Variants in DSCAM observed in about 807,000 individuals in gnomAD.
DSCAM encodes cell adhesion molecule DSCAM.
DSCAM carries 47 observed loss-of-function variants against 217.7 expected under a neutral mutation model. The ratio of observed to expected loss-of-function variants is 0.22; its 90% CI spans 0.17 to 0.28. The LOEUF (loss-of-function observed/expected upper bound fraction) is 0.28, where lower values mean the gene tolerates loss of function less well. Among genes scored for constraint, DSCAM ranks in the 10% least tolerant of loss-of-function variants. DSCAM has a pLI of 1.00. For missense variants in DSCAM, 2,080 were observed against 2,618.3 expected (o/e 0.79, Z 4.49); for synonymous variants, 1,056 against 1,015.3 (o/e 1.04, Z -0.76).
At chr21:40,369,833 A>G (rs974842463) in intron 3 of DSCAM, among the ~76,000 whole-genome samples, 1 of 152,198 alleles carries the variant, frequency 6.6e-6, no homozygotes, top group African/African-American at 2.4e-5. Flanking sequence ...ATATTCTATG[A>G]CACATATCAA....
intron 3 of DSCAM, among the ~76,000 whole-genome samples, chr21:40,442,761 C>T (rs755013706): frequency 4.6e-4 from 70 of 152,092 alleles, no homozygotes; most frequent in Admixed American, 2.2e-3. Context: ...CTGCCCGCCT[C>T]GGCCTCCCAA....
chr21:40,298,793 A>C (rs2073983755), intron 9 of DSCAM, among the ~76,000 whole-genome samples: 1 of 152,192 alleles, frequency 6.6e-6, no homozygotes, highest in Non-Finnish European at 1.5e-5. Context: ...ACAGGGTAGA[A>C]AATCTCTTGC....
At chr21:40,424,739 T>C (rs893135662) in intron 3 of DSCAM, among the ~76,000 whole-genome samples, 1 of 152,204 alleles carries the variant, frequency 6.6e-6, no homozygotes, top group Non-Finnish European at 1.5e-5. Flanking sequence ...GAATAGATTA[T>C]ATTCTGGAAA....
Position 40,171,275 on chromosome 21 carries a change from G to A in DSCAM, c.2948-3987C>T, listed in dbSNP as rs879688184. Among the ~76,000 whole-genome samples, 21 of 151,668 alleles carry A rather than the reference G, an allele frequency of 1.4e-4. 1 individual carries two copies. Among genetic ancestry groups the A allele is most frequent in the Non-Finnish European group, 2.9e-4 (20 of 67,926 alleles). On this transcript the variant is annotated intron_variant, in intron 15 of 32. Coordinates refer to ENST00000400454, the MANE Select transcript of DSCAM (RefSeq NM_001389.5). ...GCATTTTTAGTAGAGATGGGGTTTC[G>A]CCATGTTGCCCAGGCTGGTCTCGAA...
At chr21:40,820,886 A>G (rs1296055440) in intron 1 of DSCAM, among the ~76,000 whole-genome samples, 2 of 152,018 alleles carry the variant, frequency 1.3e-5, no homozygotes, top group Non-Finnish European at 2.9e-5. Flanking sequence ...ATAATAGATT[A>G]TAATTTATTA....
chr21:40,046,466 C>T (rs1357218077), intron 30 of DSCAM, among the ~76,000 whole-genome samples: 1 of 128,598 alleles, frequency 7.8e-6, no homozygotes, highest in Non-Finnish European at 1.7e-5. Context: ...TATGTTGGAG[C>T]TCTACACAAC....
At chr21:40,033,942 C>T (rs370054500) in intron 32 of DSCAM, among the ~76,000 whole-genome samples, 33 of 137,358 alleles carry the variant, frequency 2.4e-4, no homozygotes, top group South Asian at 2.0e-3. Flanking sequence ...GGGCAGGGTA[C>T]TCCAACAGAC....
intron 1 of DSCAM, among the ~76,000 whole-genome samples, chr21:40,824,802 C>T (rs372118704): frequency 2.1e-4 from 32 of 152,280 alleles, no homozygotes; most frequent in African/African-American, 7.0e-4. Flanking sequence ...CGGGGACTTC[C>T]CTCATTTTCC....
chr21:40,314,477 C>A (rs769406882), intron 8 of DSCAM, among the ~76,000 whole-genome samples: 2 of 152,086 alleles, frequency 1.3e-5, no homozygotes, highest in Non-Finnish European at 2.9e-5. Context: ...TGGAGAGAAT[C>A]GGGTCAGACT....
chr21:40,205,006 T>C (rs2837497), intron 11 of DSCAM, among the ~76,000 whole-genome samples: 85,219 of 152,146 alleles, frequency 0.56, 25,710 homozygotes, highest in African/African-American at 0.8. Flanking sequence ...TTTATGTCAG[T>C]TGATACATCT....
chr21:40,662,222 G>C (rs1209609401), intron 3 of DSCAM, among the ~76,000 whole-genome samples: 3 of 151,846 alleles, frequency 2.0e-5, no homozygotes, highest in Non-Finnish European at 1.5e-5. Flanking sequence ...TCTAAAGAAA[G>C]TTCACTGTTA....
At chr21:40,636,317 T>C (rs1249349341) in intron 3 of DSCAM, among the ~76,000 whole-genome samples, 1 of 151,880 alleles carries the variant, frequency 6.6e-6, no homozygotes, top group African/African-American at 2.4e-5. Context: ...ATTTTAAAAA[T>C]ACATTTCCAT....
intron 16 of DSCAM, among the ~76,000 whole-genome samples, chr21:40,147,015 T>C (rs2090365157): frequency 6.6e-6 from 1 of 152,236 alleles, no homozygotes; most frequent in African/African-American, 2.4e-5. Flanking sequence ...AGATTTCCCC[T>C]ATTTTACCTA....
At position 40,055,712 on chromosome 21, in the gene DSCAM, T is replaced by G. The variant is rs750731548; in HGVS notation, c.5035+13A>C. 21 of 1,602,124 alleles carry G rather than the reference T, an allele frequency of 1.3e-5. No individual in the cohort carries two copies. The highest frequency in any genetic ancestry group is 1.7e-5 in the Non-Finnish European group (20 of 1,170,004). On this transcript the variant is annotated intron_variant, in intron 29 of 32. Transcript: ENST00000400454. ...CAGCCACTTTGTGTAAAGTGGCAAA[T>G]AGGGCAGCTTACCAATGGTCTCCAT... is the stretch of plus-strand genomic sequence containing the variant.
chr21:40,845,229 C>T (rs2092134523), intron 1 of DSCAM, among the ~76,000 whole-genome samples: 1 of 152,200 alleles, frequency 6.6e-6, no homozygotes, highest in Non-Finnish European at 1.5e-5. Flanking sequence ...AAACACTTTG[C>T]TTTAGGTTAT....
At chr21:40,032,340 A>G (rs1476278905) in intron 32 of DSCAM, among the ~76,000 whole-genome samples, 1 of 152,166 alleles carries the variant, frequency 6.6e-6, no homozygotes, top group Non-Finnish European at 1.5e-5. Flanking sequence ...TTATTTGAGA[A>G]GAATCATAAG....
intron 3 of DSCAM, among the ~76,000 whole-genome samples, chr21:40,455,358 G>A (rs1488808828): frequency 6.6e-6 from 1 of 151,962 alleles, no homozygotes; most frequent in Non-Finnish European, 1.5e-5. Context: ...TGGAATATAA[G>A]CTATCAGAAT....
At position 40,659,834 on chromosome 21, in the gene DSCAM, T is replaced by C. The variant is rs555791108; in HGVS notation, c.508+32976A>G. On this transcript the variant is annotated intron_variant, in intron 3 of 32. Transcript: ENST00000400454. The stretch of plus-strand genomic sequence containing the variant: ...CAACATTTAAAGCTAAAGCCAACGA[T>C]AGAAACCATAATTAATAATATTTTC... Among the ~76,000 whole-genome samples, 9 of 152,352 alleles carry C rather than the reference T, an allele frequency of 5.9e-5. No homozygotes were observed. In the South Asian group the frequency reaches 1.4e-3, roughly 25 times the overall value.
At chr21:40,230,826 G>A (rs1393744868) in intron 11 of DSCAM, among the ~76,000 whole-genome samples, 1 of 151,994 alleles carries the variant, frequency 6.6e-6, no homozygotes, top group Non-Finnish European at 1.5e-5. Context: ...GTTGGGGAGT[G>A]TTCCATACTT....
Sources: allele counts gnomAD v4.1 joint callset (sites outside exome capture counted in the v4.1 genomes callset), GRCh38; gene constraint gnomAD v4.1.1; transcripts MANE v1.5; gene names NCBI Gene and HGNC (gene_info 2026-07-23, HGNC 2026-07-21).